Variants in ZDHHC9 observed in about 807,000 individuals in gnomAD.
The protein encoded by ZDHHC9 is palmitoyltransferase ZDHHC9.
ZDHHC9 carries 3 observed loss-of-function variants against 26.6 expected under a neutral mutation model. The ratio of observed to expected loss-of-function variants is 0.11; its 90% CI spans 0.05 to 0.29. ZDHHC9 has a LOEUF of 0.29. Among genes scored for constraint, ZDHHC9 ranks in the 10% least tolerant of loss-of-function variants. The probability of loss-of-function intolerance (pLI) is 1.00; values close to 1 mark genes in which losing one functional copy is unlikely to be tolerated. For missense variants in ZDHHC9, 146 were observed against 296.4 expected (o/e 0.49, Z 3.73); for synonymous variants, 111 against 109.4 (o/e 1.01, Z -0.09).
At chrX:129,814,611 C>T in intron 6 of ZDHHC9, 47 bp downstream of exon 6, 2 of 1,207,544 alleles carry the variant, frequency 1.7e-6, no homozygotes, top group Non-Finnish European at 1.1e-6. Context: ...TTAACTCTTC[C>T]CCCACCCAGC....
chrX:129,842,727 C>CA (rs1217484370), intron 2 of ZDHHC9, among the ~76,000 whole-genome samples: 1 of 112,863 alleles, frequency 8.9e-6, no homozygotes, highest in Non-Finnish European at 1.9e-5. Flanking sequence ...TTCCCCTCAT[C>CA]AAACCCTCTG....
At chrX:129,826,452 G>C (rs1323364369) in intron 4 of ZDHHC9, among the ~76,000 whole-genome samples, 1 of 111,474 alleles carries the variant, frequency 9.0e-6, no homozygotes, top group Non-Finnish European at 1.9e-5. Context: ...AGAGAAACAT[G>C]CTAAATGCAG....
intron 2 of ZDHHC9, among the ~76,000 whole-genome samples, chrX:129,842,986 C>G (rs1054939488): frequency 8.0e-5 from 9 of 112,388 alleles, no homozygotes; most frequent in Non-Finnish European, 1.7e-4. Flanking sequence ...AATTCCCAGG[C>G]CCAGAGTTTC....
intron 5 of ZDHHC9, among the ~76,000 whole-genome samples, chrX:129,820,963 T>C (rs1489989825): frequency 2.7e-5 from 3 of 110,945 alleles, no homozygotes; most frequent in African/African-American, 9.9e-5. Context: ...GTGTGTGTTG[T>C]TCCCCTCCCT....
At chrX:129,814,884 C>T in intron 5 of ZDHHC9, 89 bp from the exon 6 acceptor site, 1 of 1,017,078 alleles carries the variant, frequency 9.8e-7, no homozygotes, top group South Asian at 2.0e-5. Context: ...CAAAGACCTC[C>T]AGGATCATTG....
chrX:129,841,413 T>C (rs1228530006), intron 3 of ZDHHC9, among the ~76,000 whole-genome samples: 1 of 111,846 alleles, frequency 8.9e-6, no homozygotes, highest in Non-Finnish European at 1.9e-5. Flanking sequence ...TGAGGATTGC[T>C]GAGTAATGTA....
At chrX:129,823,442 A>G in intron 5 of ZDHHC9, 1 of 404,052 alleles carries the variant, frequency 2.5e-6, no homozygotes. Context: ...TTTCTCATTT[A>G]CTAAAGAGGT....
chrX:129,817,544 C>T (rs978323201), intron 5 of ZDHHC9, among the ~76,000 whole-genome samples: 5 of 111,660 alleles, frequency 4.5e-5, no homozygotes, highest in African/African-American at 6.5e-5. Flanking sequence ...TAATTACATT[C>T]ATAATGTGGA....
At chrX:129,843,633 G>T (rs916401932) in intron 1 of ZDHHC9, 63 bp downstream of exon 1, 7 of 111,747 alleles carry the variant, frequency 6.3e-5, no homozygotes, top group African/African-American at 1.9e-4. Context: ...CAGGCGCCGC[G>T]GAAGGGGAGG....
intron 5 of ZDHHC9, among the ~76,000 whole-genome samples, chrX:129,818,522 A>C (rs1356836596): frequency 8.9e-6 from 1 of 112,741 alleles, no homozygotes; most frequent in Non-Finnish European, 1.9e-5. Context: ...TTTAATAATT[A>C]TGATTGCAGT....
At chrX:129,839,370 C>A (rs753692271) in intron 3 of ZDHHC9, among the ~76,000 whole-genome samples, 1 of 110,122 alleles carries the variant, frequency 9.1e-6, no homozygotes, top group Admixed American at 9.7e-5. Flanking sequence ...AACAGCCACA[C>A]GGGGCTAATT....
At chrX:129,837,432 C>T (rs759862170) in intron 3 of ZDHHC9, among the ~76,000 whole-genome samples, 3 of 112,273 alleles carry the variant, frequency 2.7e-5, no homozygotes, top group Non-Finnish European at 5.6e-5. Context: ...GCAGAAATTA[C>T]TGGAAAGTTT....
intron 7 of ZDHHC9, among the ~76,000 whole-genome samples, 177 bp downstream of exon 7, chrX:129,813,500 G>T (rs1310583348): frequency 6.2e-5 from 7 of 112,296 alleles, no homozygotes; most frequent in Non-Finnish European, 1.3e-4. Context: ...CTCCCTTTTA[G>T]TCCCGGTCAT....
chrX:129,811,214 T>C (rs753884521), intron 9 of ZDHHC9, among the ~76,000 whole-genome samples, 192 bp downstream of exon 9: 9 of 111,799 alleles, frequency 8.1e-5, no homozygotes, highest in Non-Finnish European at 1.5e-4. Flanking sequence ...AAATTAAGAA[T>C]GAAAGATCAT....
intron 5 of ZDHHC9, chrX:129,823,335 C>T: frequency 4.2e-6 from 1 of 237,436 alleles, no homozygotes; most frequent in Non-Finnish European, 7.6e-6. Context: ...ATGCTGCCCT[C>T]CAGTGGACTA....
chrX:129,821,971 G>A (rs1302775524), intron 5 of ZDHHC9, among the ~76,000 whole-genome samples: 1 of 111,150 alleles, frequency 9.0e-6, no homozygotes, highest in Admixed American at 9.5e-5. Flanking sequence ...TGATGAGGCT[G>A]TGGAGAAATA....
chrX:129,830,374 G>T (rs1239603893), intron 3 of ZDHHC9, among the ~76,000 whole-genome samples: 1 of 111,624 alleles, frequency 9.0e-6, no homozygotes, highest in African/African-American at 3.3e-5. Flanking sequence ...TAAATAAAGT[G>T]CTTAGAACTG....
At chrX:129,822,165 G>A (rs1927903515) in intron 5 of ZDHHC9, among the ~76,000 whole-genome samples, 1 of 111,000 alleles carries the variant, frequency 9.0e-6, no homozygotes, top group Admixed American at 9.6e-5. Flanking sequence ...TATGTTTATT[G>A]CAGCACTATT....
At chrX:129,830,617 A>T (rs1456021298) in intron 3 of ZDHHC9, among the ~76,000 whole-genome samples, 3 of 112,116 alleles carry the variant, frequency 2.7e-5, no homozygotes, top group African/African-American at 9.7e-5. Flanking sequence ...CCTTGAAAAC[A>T]GAGTTTTCAC....
Sources: allele counts gnomAD v4.1 joint callset (sites outside exome capture counted in the v4.1 genomes callset), GRCh38; gene constraint gnomAD v4.1.1; transcripts MANE v1.5; gene names NCBI Gene and HGNC (gene_info 2026-07-23, HGNC 2026-07-21).